The following NARF variants were observed in gnomAD, a reference collection of about 807,000 sequenced individuals.
NARF encodes iron-only hydrogenase-like protein 2.
Under a neutral mutation model 48.0 loss-of-function variants are expected in NARF, and 41 were observed. That is an observed-to-expected ratio of 0.85 (90% CI 0.66 to 1.11). The LOEUF (loss-of-function observed/expected upper bound fraction) is 1.11, where lower values mean the gene tolerates loss of function less well. NARF is among the 50% of genes least tolerant of loss of function. NARF has a pLI of 0.00. For synonymous variants in NARF, 215 were observed against 225.5 expected, an observed-to-expected ratio of 0.95 and a Z score of 0.42; for missense variants, 613 against 590.2, an observed-to-expected ratio of 1.04 and a Z score of -0.40.
rs1359704991 is a variant in NARF at position 82,478,980 on chromosome 17, C to T, written c.639+62C>T. On this transcript the variant is annotated intron_variant, in intron 6 of 10. Transcript: ENST00000309794. Reference sequence around the variant, plus strand: ...GAGGGAGGACCATGGCACAGGGGCCCAGGAAGGGGAGGTTCCCCATCTGTC... The same window carrying T: ...GAGGGAGGACCATGGCACAGGGGCCTAGGAAGGGGAGGTTCCCCATCTGTC... The T allele has an allele frequency of 6.0e-6, 9 of 1,496,296 alleles. No homozygotes were observed. In the African/African-American group the frequency reaches 8.3e-5, roughly 14 times the overall value. 92.7% of individuals were successfully genotyped at this position (1,496,296 alleles called of 1,614,324 possible).
At chr17:82,485,142 C>G (rs1019561410) in intron 9 of NARF, among the ~76,000 whole-genome samples, 192 bp downstream of exon 9, 1 of 152,170 alleles carries the variant, frequency 6.6e-6, no homozygotes, top group Non-Finnish European at 1.5e-5. Flanking sequence ...GTGTTCTTGG[C>G]CGGGTGCGGT....
In NARF at chr17:82,484,940, CGAG is replaced by C. The variant is rs760678175; in HGVS notation, c.962_964del (p.Arg321_Ala322delinsPro). 6.2e-7 allele frequency: 1 copy of C among 1,608,444 alleles called. No individual in the cohort carries two copies. The highest frequency in any genetic ancestry group is 2.2e-5 in the East Asian group (1 of 44,758). ...CGAGGATGTGGAGGAGGTCACTTAC[CGAG>C]CCCTGAGGTGTGGGGCAGTATCCAC... On this transcript the variant is annotated inframe_deletion, in exon 9 of 11. Transcript: ENST00000309794.
chr17:82,466,201 G>T (rs192799831), intron 3 of NARF, among the ~76,000 whole-genome samples: 345 of 152,304 alleles, frequency 2.3e-3, no homozygotes, highest in Non-Finnish European at 2.9e-3. Flanking sequence ...GAAAGTGTCT[G>T]TGTCACTTTA....
intron 4 of NARF, 144 bp from the exon 5 acceptor site, chr17:82,472,420 G>C: frequency 1.2e-6 from 1 of 807,868 alleles, no homozygotes; most frequent in Non-Finnish European, 1.8e-6. Context: ...GGAGGCGGAG[G>C]TTGCAGTGAG....
At position 82,471,791 on chromosome 17, in the gene NARF, C is replaced by CAAA. The variant is rs58302009; in HGVS notation, c.386-759_386-757dup. Reference sequence around the variant, plus strand: ...TGCGCGAAAGAGTGAGACTCCGTCTCAAAAAAAAAAAAAAAAGTATGCCCA... The same window carrying CAAA: ...TGCGCGAAAGAGTGAGACTCCGTCTCAAAAAAAAAAAAAAAAAAAGTATGCCCA... On this transcript the variant is annotated intron_variant, in intron 4 of 10. Coordinates refer to ENST00000309794, the MANE Select transcript of NARF (RefSeq NM_012336.4). Among the ~76,000 whole-genome samples, 16 of 64,610 alleles carry CAAA rather than the reference C, an allele frequency of 2.5e-4. 2 individuals are homozygous for CAAA. Among genetic ancestry groups the CAAA allele is most frequent in the East Asian group, 1.1e-3 (1 of 952 alleles). The allele number at this position is 64,610 out of a possible 152,430, so 42.4% of individuals were successfully genotyped here. A position where few individuals can be genotyped will look rare whatever the true frequency, so the allele number is the denominator to read the frequency against.
chr17:82,484,997 G>T, intron 9 of NARF, 47 bp downstream of exon 9: 1 of 1,546,472 alleles, frequency 6.5e-7, no homozygotes, highest in Non-Finnish European at 8.7e-7. Context: ...GTTAGCACGT[G>T]TGCATGGTGT....
intron 5 of NARF, among the ~76,000 whole-genome samples, chr17:82,474,275 G>C (rs2043784297): frequency 1.3e-5 from 2 of 152,104 alleles, no homozygotes; most frequent in Non-Finnish European, 2.9e-5. Context: ...TCTTTTGCCA[G>C]CTTAAAAAAA....
intron 3 of NARF, among the ~76,000 whole-genome samples, chr17:82,465,964 G>A (rs1228486756): frequency 6.6e-6 from 1 of 152,204 alleles, no homozygotes. Flanking sequence ...CGGGAACTCC[G>A]TTAGCAAGCA....
intron 5 of NARF, among the ~76,000 whole-genome samples, chr17:82,478,293 A>G (rs967522505): frequency 2.0e-5 from 3 of 152,200 alleles, no homozygotes; most frequent in Non-Finnish European, 2.9e-5. Context: ...AGATGTTGCT[A>G]TTTATTACGA....
intron 10 of NARF, 119 bp downstream of exon 10, chr17:82,485,773 GCTTTGT>G: frequency 8.4e-7 from 1 of 1,188,122 alleles, no homozygotes; most frequent in Non-Finnish European, 1.2e-6. Context: ...AGCCCTGAGA[GCTTTGT>G]AGGGTATGGA....
At chr17:82,466,094 C>T (rs1397973446) in intron 3 of NARF, among the ~76,000 whole-genome samples, 2 of 152,202 alleles carry the variant, frequency 1.3e-5, no homozygotes, top group African/African-American at 4.8e-5. Flanking sequence ...AGAATGGCTT[C>T]AGCCATTTTG....
intron 3 of NARF, among the ~76,000 whole-genome samples, chr17:82,466,993 TTC>T (rs1039556760): frequency 7.8e-5 from 11 of 140,372 alleles, no homozygotes; most frequent in African/African-American, 2.7e-4. Context: ...GTACCTGGCC[TTC>T]TTTTTTTTTT....
intron 5 of NARF, among the ~76,000 whole-genome samples, chr17:82,472,924 A>AT (rs1418785524): frequency 1.3e-5 from 2 of 150,592 alleles, no homozygotes; most frequent in East Asian, 1.9e-4. Flanking sequence ...ATGGTTATTT[A>AT]TTTAATTTTA....
At chr17:82,486,933 T>G (rs1251718694) in intron 10 of NARF, among the ~76,000 whole-genome samples, 3 of 152,192 alleles carry the variant, frequency 2.0e-5, no homozygotes, top group Non-Finnish European at 4.4e-5. Flanking sequence ...CAGTGTTGGG[T>G]GTGTGGGCTC....
intron 5 of NARF, among the ~76,000 whole-genome samples, chr17:82,474,020 C>CA (rs908012761): frequency 4.4e-4 from 63 of 144,114 alleles, no homozygotes; most frequent in East Asian, 2.5e-3. Context: ...CTCGTCTCTG[C>CA]AAAAAAAAAC....
At chr17:82,467,329 G>A (rs2043594111) in intron 3 of NARF, among the ~76,000 whole-genome samples, 1 of 152,154 alleles carries the variant, frequency 6.6e-6, no homozygotes, top group Non-Finnish European at 1.5e-5. Context: ...TTATAGGCAT[G>A]AGCCACCACG....
chr17:82,461,173 C>G (rs2043426939), intron 2 of NARF, among the ~76,000 whole-genome samples: 2 of 152,316 alleles, frequency 1.3e-5, no homozygotes, highest in South Asian at 4.1e-4. Flanking sequence ...ATCCTCCTGC[C>G]TCAGCCTCCC....
intron 8 of NARF, 161 bp from the exon 9 acceptor site, chr17:82,484,652 A>G (rs1195197796): frequency 1.2e-6 from 1 of 834,678 alleles, no homozygotes; most frequent in Non-Finnish European, 1.7e-6. Context: ...ACCCCTCAAG[A>G]TGCTAGAATG....
chr17:82,481,534 G>C (rs2043964684), intron 7 of NARF, among the ~76,000 whole-genome samples: 2 of 152,088 alleles, frequency 1.3e-5, no homozygotes, highest in South Asian at 4.1e-4. Context: ...TTCGAGACCA[G>C]CCTGACCAAC....
Sources: gnomAD v4.1 joint callset for allele counts (sites outside exome capture counted in the v4.1 genomes callset) on GRCh38, gnomAD v4.1.1 for gene constraint, MANE v1.5 for transcripts, NCBI Gene and HGNC (gene_info 2026-07-23, HGNC 2026-07-21) for gene names.